The following CSMD1 variants were observed in gnomAD, a reference collection of about 807,000 sequenced individuals.
CSMD1 encodes CUB and Sushi multiple domains 1, also known as CUB and sushi domain-containing protein 1.
A neutral mutation model predicts 417.5 loss-of-function variants in CSMD1; 213 were observed. The ratio of observed to expected loss-of-function variants is 0.51; its 90% CI spans 0.46 to 0.57. The LOEUF is 0.57. CSMD1 is among the 20% of genes least tolerant of loss of function. The pLI, the probability that CSMD1 is intolerant of heterozygous loss-of-function variation, is 0.00. For missense variants in CSMD1, 6,923 were observed against 4,529.7 expected (o/e 1.53, Z -15.17); for synonymous variants, 2,862 against 1,736.8 (o/e 1.65, Z -16.11).
chr8:3,273,959 C>A (rs946457658), intron 26 of CSMD1, among the ~76,000 whole-genome samples: 1 of 151,324 alleles, frequency 6.6e-6, no homozygotes, highest in East Asian at 1.9e-4. Flanking sequence ...TTATTTCTTG[C>A]CTTCTGCTAG....
intron 3 of CSMD1, among the ~76,000 whole-genome samples, chr8:4,399,071 C>G (rs546233635): frequency 2.6e-4 from 39 of 152,286 alleles, no homozygotes; most frequent in African/African-American, 8.9e-4. Context: ...GTAACATTCA[C>G]TAGCTGGTGA....
At chr8:3,922,398 C>A (rs981500801) in intron 5 of CSMD1, among the ~76,000 whole-genome samples, 1 of 151,930 alleles carries the variant, frequency 6.6e-6, no homozygotes, top group Non-Finnish European at 1.5e-5. Flanking sequence ...TAGGTAAGAA[C>A]TTACTACTGC....
chr8:3,947,115 G>T (rs553704367), intron 5 of CSMD1, among the ~76,000 whole-genome samples: 1 of 152,228 alleles, frequency 6.6e-6, no homozygotes, highest in South Asian at 2.1e-4. Flanking sequence ...GATTTTATGA[G>T]GAATTGATTC....
intron 10 of CSMD1, among the ~76,000 whole-genome samples, chr8:3,547,399 G>C (rs540549758): frequency 1.3e-5 from 2 of 152,280 alleles, no homozygotes; most frequent in East Asian, 3.9e-4. Flanking sequence ...AGGTAAAACT[G>C]ATTCAGTTTT....
intron 2 of CSMD1, among the ~76,000 whole-genome samples, chr8:4,509,116 G>A (rs1260509790): frequency 6.6e-6 from 1 of 152,148 alleles, no homozygotes; most frequent in African/African-American, 2.4e-5. Context: ...TACTTGGAAT[G>A]ATAAATGAAG....
chr8:4,349,318 C>G (rs7009827), intron 3 of CSMD1, among the ~76,000 whole-genome samples: 89,726 of 152,068 alleles, frequency 0.59, 29,002 homozygotes, highest in African/African-American at 0.88. Flanking sequence ...CACTCTAAGA[C>G]CTCCACAGAA....
At chr8:4,555,288 G>C (rs982993392) in intron 2 of CSMD1, among the ~76,000 whole-genome samples, 4 of 152,128 alleles carry the variant, frequency 2.6e-5, no homozygotes, top group African/African-American at 7.2e-5. Context: ...CCAGAAAAAA[G>C]ACAGGTGCAG....
intron 26 of CSMD1, among the ~76,000 whole-genome samples, chr8:3,265,752 G>A (rs1041829579): frequency 6.6e-6 from 1 of 152,108 alleles, no homozygotes; most frequent in Non-Finnish European, 1.5e-5. Flanking sequence ...CCTTCTGCCA[G>A]CATGGCCTTT....
intron 5 of CSMD1, among the ~76,000 whole-genome samples, chr8:3,979,729 A>T (rs1411590468): frequency 1.3e-5 from 2 of 152,228 alleles, no homozygotes; most frequent in African/African-American, 4.8e-5. Flanking sequence ...TGGAACCTTG[A>T]TCCTAAACTT....
chr8:3,789,200 C>G (rs1799598190), intron 5 of CSMD1, among the ~76,000 whole-genome samples: 1 of 152,058 alleles, frequency 6.6e-6, no homozygotes, highest in Non-Finnish European at 1.5e-5. Flanking sequence ...CATGAAAGCG[C>G]TGTGTATGAG....
At chr8:4,183,960 A>C (rs1798522113) in intron 3 of CSMD1, among the ~76,000 whole-genome samples, 2 of 152,188 alleles carry the variant, frequency 1.3e-5, no homozygotes, top group African/African-American at 4.8e-5. Flanking sequence ...TCCTGAGAAC[A>C]CAGAAGGAAA....
chr8:3,878,032 G>T (rs2930344), intron 5 of CSMD1, among the ~76,000 whole-genome samples: 3 of 151,562 alleles, frequency 2.0e-5, no homozygotes, highest in African/African-American at 7.3e-5. Flanking sequence ...TGATTTATTA[G>T]TACCTCCATC....
intron 1 of CSMD1, among the ~76,000 whole-genome samples, chr8:4,752,629 G>A (rs1470455607): frequency 6.6e-6 from 1 of 152,084 alleles, no homozygotes; most frequent in Non-Finnish European, 1.5e-5. Flanking sequence ...AAGAGAGAGG[G>A]GAAAATTGAT....
At chr8:4,005,646 C>A (rs1816052761) in intron 4 of CSMD1, among the ~76,000 whole-genome samples, 1 of 152,180 alleles carries the variant, frequency 6.6e-6, no homozygotes, top group South Asian at 2.1e-4. Context: ...AGGGTGTCTC[C>A]CATGGATACT....
At chr8:4,186,988 AT>A (rs1275942636) in intron 3 of CSMD1, among the ~76,000 whole-genome samples, 2 of 152,186 alleles carry the variant, frequency 1.3e-5, no homozygotes, top group African/African-American at 4.8e-5. Flanking sequence ...TCTCAAAAAA[AT>A]ATAAATAAAA....
intron 2 of CSMD1, among the ~76,000 whole-genome samples, chr8:4,540,375 A>G (rs1039570429): frequency 6.6e-6 from 1 of 152,164 alleles, no homozygotes; most frequent in African/African-American, 2.4e-5. Context: ...TGAAATAAGC[A>G]TGAAAATTAA....
At chr8:4,932,339 G>A (rs1180273775) in intron 1 of CSMD1, among the ~76,000 whole-genome samples, 1 of 148,632 alleles carries the variant, frequency 6.7e-6, no homozygotes. Context: ...CATATTTCTA[G>A]AAAAAAAAAA....
intron 3 of CSMD1, among the ~76,000 whole-genome samples, chr8:4,292,923 G>C (rs1029815788): frequency 2.0e-5 from 3 of 152,190 alleles, no homozygotes; most frequent in Non-Finnish European, 2.9e-5. Context: ...TTCATGGATA[G>C]TATTAACAGA....
chr8:4,541,163 G>T (rs989764109), intron 2 of CSMD1, among the ~76,000 whole-genome samples: 7 of 152,116 alleles, frequency 4.6e-5, no homozygotes, highest in Admixed American at 4.6e-4. Flanking sequence ...AGTGGTGCCA[G>T]GGCTCAATTT....
Sources: gnomAD v4.1 joint callset for allele counts (sites outside exome capture counted in the v4.1 genomes callset) on GRCh38, gnomAD v4.1.1 for gene constraint, MANE v1.5 for transcripts, NCBI Gene and HGNC (gene_info 2026-07-23, HGNC 2026-07-21) for gene names.